PCDHGB7: variants seen among roughly 807,000 people sequenced by gnomAD.
PCDHGB7 encodes protocadherin gamma subfamily B, 7.
A neutral mutation model predicts 61.4 loss-of-function variants in PCDHGB7; 37 were observed. The ratio of observed to expected loss-of-function variants is 0.60; its 90% CI spans 0.46 to 0.79. The LOEUF (loss-of-function observed/expected upper bound fraction) is 0.79, where lower values mean the gene tolerates loss of function less well. PCDHGB7 is among the 30% of genes least tolerant of loss of function. The pLI is 0.00. For missense variants in PCDHGB7, 1,166 were observed against 1,202.5 expected, an observed-to-expected ratio of 0.97 and a Z score of 0.45; for synonymous variants, 464 against 503.5, an observed-to-expected ratio of 0.92 and a Z score of 1.05.
intron 1 of PCDHGB7, chr5:141,423,852 GT>G (rs971165220): frequency 2.5e-5 from 32 of 1,279,282 alleles, no homozygotes; most frequent in Non-Finnish European, 3.0e-5. Context: ...CTTTCAGAAC[GT>G]TTTTGTGAAA....
At chr5:141,495,270 G>A (rs1428903664) in intron 2 of PCDHGB7, among the ~76,000 whole-genome samples, 1 of 152,178 alleles carries the variant, frequency 6.6e-6, no homozygotes, top group African/African-American at 2.4e-5. Context: ...GCATTTGACC[G>A]GAGGAGGCGG....
chr5:141,477,175 A>T lies in PCDHGB7; in HGVS notation c.2416-17632A>T, dbSNP rs1338347224. On this transcript the variant is annotated intron_variant, in intron 1 of 3. Transcript: ENST00000398594. This position sits in a 1 kb window ranked among gnomAD's most constrained non-coding sequence, Gnocchi z 4.9. ...TGAATGACAACGCCCCGGAGATCAC[A>T]GTCACCTCCGTGTACAGCCCAGTAC... is the stretch of plus-strand genomic sequence containing the variant. The T allele has an allele frequency of 1.2e-6, 2 of 1,614,186 alleles. No individual in the cohort carries two copies. The highest frequency in any genetic ancestry group is 3.3e-5 in the Admixed American group (2 of 60,028).
At chr5:141,441,757 G>A (rs1423867327) in intron 1 of PCDHGB7, 2 of 381,638 alleles carry the variant, frequency 5.2e-6, no homozygotes, top group Middle Eastern at 6.5e-4. Context: ...GTCAACGTGA[G>A]CCTGCGCGTG....
At chr5:141,423,852 G>T (rs796757517) in intron 1 of PCDHGB7, 36 of 1,279,400 alleles carry the variant, frequency 2.8e-5, no homozygotes, top group Non-Finnish European at 3.5e-5. Context: ...CTTTCAGAAC[G>T]TTTTTGTGAA....
chr5:141,433,064 A>T, intron 1 of PCDHGB7: 1 of 1,614,064 alleles, frequency 6.2e-7, no homozygotes, highest in Non-Finnish European at 8.5e-7. Context: ...GAGTCACCTG[A>T]TCTTCCCCCA....
chr5:141,460,377 T>C (rs1592666836), intron 1 of PCDHGB7, among the ~76,000 whole-genome samples: 1 of 152,342 alleles, frequency 6.6e-6, no homozygotes, highest in Non-Finnish European at 1.5e-5. Flanking sequence ...AGTTTTACCA[T>C]TTATAATTTG....
chr5:141,447,919 C>G (rs940570932), intron 1 of PCDHGB7, among the ~76,000 whole-genome samples: 2 of 152,012 alleles, frequency 1.3e-5, no homozygotes, highest in East Asian at 1.9e-4. Context: ...AACTCTGTCT[C>G]CACTAAAAAT....
chr5:141,490,612 C>G lies in PCDHGB7; in HGVS notation c.2416-4195C>G, dbSNP rs1393568166. ...CAATGCACCCCGCTTCAACCAGCAG[C>G]TTTACACTGCTTACATCCTAGAAAA... On this transcript the variant is annotated intron_variant, in intron 1 of 3. Coordinates refer to ENST00000398594, the MANE Select transcript of PCDHGB7 (RefSeq NM_018927.4). This position sits in a 1 kb window ranked among gnomAD's most constrained non-coding sequence, Gnocchi z 5.4. The G allele has an allele frequency of 6.2e-7, 1 of 1,614,082 alleles. No homozygotes were observed. Among genetic ancestry groups the G allele is most frequent in the Non-Finnish European group, 8.5e-7 (1 of 1,180,032 alleles).
chr5:141,470,742 G>T (rs2099238719), intron 1 of PCDHGB7, among the ~76,000 whole-genome samples: 1 of 152,066 alleles, frequency 6.6e-6, no homozygotes, highest in African/African-American at 2.4e-5. Flanking sequence ...CTGTCGCCCT[G>T]GCTGGAGTGC....
At chr5:141,442,694 C>A (rs549307212) in intron 1 of PCDHGB7, among the ~76,000 whole-genome samples, 22 of 152,304 alleles carry the variant, frequency 1.4e-4, no homozygotes, top group Non-Finnish European at 3.1e-4. Flanking sequence ...GTCAGGCAGA[C>A]AAGAGTATCA....
chr5:141,486,138 C>T lies in PCDHGB7; in HGVS notation c.2416-8669C>T. On this transcript the variant is annotated intron_variant, in intron 1 of 3. Transcript: ENST00000398594. This position sits in a 1 kb window ranked among gnomAD's most constrained non-coding sequence, Gnocchi z 5.0. ...AATTACTATGAATTTGATGTGCGGG[C>T]TCGCGATGGGGGTTCTCCAGCCATG... The T allele has an allele frequency of 6.2e-7, 1 of 1,614,212 alleles. No individual in the cohort carries two copies. The highest frequency in any genetic ancestry group is 1.3e-5 in the African/African-American group (1 of 75,052).
At position 141,485,532 on chromosome 5, in the gene PCDHGB7, A is replaced by C. The variant is rs1360942348; in HGVS notation, c.2416-9275A>C. 6.2e-7 allele frequency: 1 copy of C among 1,614,108 alleles called. No individual in the cohort carries two copies. The highest frequency in any genetic ancestry group is 1.7e-5 in the Admixed American group (1 of 60,000). ...GGTCCTTTGGAAATGTACCGAGCAG[A>C]GGTAGAGATCGTAGATGTGAATGAT... On this transcript the variant is annotated intron_variant, in intron 1 of 3. Transcript: ENST00000398594. This position sits in a 1 kb window ranked among gnomAD's most constrained non-coding sequence, Gnocchi z 5.7.
At chr5:141,480,178 C>T (rs143309515) in intron 1 of PCDHGB7, among the ~76,000 whole-genome samples, 346 of 150,752 alleles carry the variant, frequency 2.3e-3, no homozygotes, top group Non-Finnish European at 2.8e-3. Flanking sequence ...CTGAGGCAGG[C>T]GGATTGCTTG....
intron 2 of PCDHGB7, among the ~76,000 whole-genome samples, chr5:141,504,786 C>A (rs568185327): frequency 6.6e-6 from 1 of 152,014 alleles, no homozygotes; most frequent in South Asian, 2.1e-4. Context: ...TCTCTTGGGG[C>A]CTCCTACATC....
chr5:141,491,199 C>T lies in PCDHGB7; in HGVS notation c.2416-3608C>T. ...TGGTCCTGGTGAGGGACAATGGTGA[C>T]CCTTCACTCTCCTCCACAGCCACAG... On this transcript the variant is annotated intron_variant, in intron 1 of 3. Coordinates refer to ENST00000398594, the MANE Select transcript of PCDHGB7 (RefSeq NM_018927.4). The surrounding 1 kb of genome is among the most constrained non-coding windows in gnomAD (Gnocchi z 6.9). 1 of 1,614,190 alleles carries T rather than the reference C, an allele frequency of 6.2e-7. No homozygotes were observed. Among genetic ancestry groups the T allele is most frequent in the South Asian group, 1.1e-5 (1 of 91,086 alleles).
chr5:141,422,719 CA>C (rs2096667277), intron 1 of PCDHGB7: 1 of 1,604,786 alleles, frequency 6.2e-7, no homozygotes, highest in Admixed American at 1.7e-5. Flanking sequence ...TGACACTGTC[CA>C]GGGGGTGCCT....
chr5:141,436,902 G>A (rs2097852984), intron 1 of PCDHGB7, among the ~76,000 whole-genome samples: 1 of 152,210 alleles, frequency 6.6e-6, no homozygotes, highest in Admixed American at 6.5e-5. Flanking sequence ...TTTTATATGA[G>A]ACAATTTTGT....
Position 141,489,454 on chromosome 5 carries a change from G to C in PCDHGB7, c.2416-5353G>C, listed in dbSNP as rs1177748773. 1 of 1,613,940 alleles carries C rather than the reference G, an allele frequency of 6.2e-7. No homozygotes were observed. The highest frequency in any genetic ancestry group is 1.3e-5 in the African/African-American group (1 of 74,906). On this transcript the variant is annotated intron_variant, in intron 1 of 3. Transcript: ENST00000398594. This position sits in a 1 kb window ranked among gnomAD's most constrained non-coding sequence, Gnocchi z 4.5. ...GCTGCAATTGGGCTCTGAGGAGAAT[G>C]GGCGCTATTTTTCCCTGAGCTTGAT...
chr5:141,420,477 A>T (rs1469261817), intron 1 of PCDHGB7: 3 of 626,262 alleles, frequency 4.8e-6, no homozygotes, highest in Non-Finnish European at 7.0e-6. Flanking sequence ...TTTAAAGCAA[A>T]CTACATGGGT....
Sources: gnomAD v4.1 joint callset for allele counts (sites outside exome capture counted in the v4.1 genomes callset) on GRCh38, gnomAD v4.1.1 for gene constraint, Gnocchi (gnomAD v3.1) non-coding constraint, MANE v1.5 for transcripts, NCBI Gene and HGNC (gene_info 2026-07-23, HGNC 2026-07-21) for gene names.